PHEX: variants seen among roughly 807,000 people sequenced by gnomAD.
PHEX encodes phosphate-regulating neutral endopeptidase PHEX.
A neutral mutation model predicts 68.0 loss-of-function variants in PHEX; 16 were observed. That is an observed-to-expected ratio of 0.24 (90% CI 0.16 to 0.36). The LOEUF is 0.36. Among genes scored for constraint, PHEX ranks in the 10% least tolerant of loss-of-function variants. The pLI, the probability that PHEX is intolerant of heterozygous loss-of-function variation, is 1.00. For missense variants in PHEX, 480 were observed against 575.5 expected, an observed-to-expected ratio of 0.83 and a Z score of 1.70; for synonymous variants, 208 against 205.1, an observed-to-expected ratio of 1.01 and a Z score of -0.12.
chrX:22,101,353 T>C (rs1255583217), intron 9 of PHEX, among the ~76,000 whole-genome samples: 1 of 112,105 alleles, frequency 8.9e-6, no homozygotes, highest in Non-Finnish European at 1.9e-5. Flanking sequence ...GTGATGTTTT[T>C]TCATTGATGA....
chrX:22,045,919 C>G (rs1050068681), intron 2 of PHEX, among the ~76,000 whole-genome samples: 1 of 112,654 alleles, frequency 8.9e-6, no homozygotes, highest in Non-Finnish European at 1.9e-5. Flanking sequence ...GTAAATATAA[C>G]TTTTAAATAT....
At chrX:22,082,474 T>C (rs191613995) in intron 5 of PHEX, among the ~76,000 whole-genome samples, 201 of 112,855 alleles carry the variant, frequency 1.8e-3, no homozygotes, top group African/African-American at 6.1e-3. Flanking sequence ...GTGAGCTTTT[T>C]TTCATATGCT....
At chrX:22,184,871 C>T (rs1277268926) in intron 14 of PHEX, among the ~76,000 whole-genome samples, 1 of 112,049 alleles carries the variant, frequency 8.9e-6, no homozygotes, top group African/African-American at 3.2e-5. Flanking sequence ...CTTTTGTTTG[C>T]AAAAGCATTA....
At chrX:22,223,718 A>C (rs751075826) in intron 18 of PHEX, among the ~76,000 whole-genome samples, 22 of 112,653 alleles carry the variant, frequency 2.0e-4, no homozygotes, top group African/African-American at 7.1e-4. Context: ...TGTGGGTGAA[A>C]GAGAGAGACC....
At chrX:22,105,731 A>G (rs5951694) in intron 9 of PHEX, among the ~76,000 whole-genome samples, 18,172 of 111,417 alleles carry the variant, frequency 0.16, 2,643 homozygotes, top group African/African-American at 0.47. Flanking sequence ...AAGGATAATA[A>G]TAATAATCAC....
intron 19 of PHEX, among the ~76,000 whole-genome samples, chrX:22,226,739 A>T (rs1935520872): frequency 8.9e-6 from 1 of 111,923 alleles, no homozygotes. Context: ...TTTGTTATTA[A>T]GAATCATGTA....
chrX:22,238,048 G>A (rs188924344), intron 20 of PHEX, among the ~76,000 whole-genome samples: 4,491 of 111,990 alleles, frequency 0.04, 90 homozygotes, highest in Middle Eastern at 0.05. Flanking sequence ...AGGCCGAGGC[G>A]GGTGGATTGC....
rs1327383362 is a variant in PHEX at position 22,218,982 on chromosome X, A to G, written c.1701-54A>G. The G allele has an allele frequency of 2.5e-5, 21 of 837,189 alleles. No individual in the cohort carries two copies. The East Asian group carries it at 5.9e-4, about 24-fold the overall frequency. 69.0% of individuals were successfully genotyped at this position (837,189 alleles called of 1,213,427 possible). ...TTTCCATTGAAAAAATTAAAGGATT[A>G]TGCTCTGAGATTCATGCTTGTAATT... On this transcript the variant is annotated intron_variant, in intron 16 of 21. Coordinates refer to ENST00000379374, the MANE Select transcript of PHEX (RefSeq NM_000444.6).
intron 12 of PHEX, among the ~76,000 whole-genome samples, chrX:22,140,809 T>C (rs1387823150): frequency 8.9e-6 from 1 of 112,279 alleles, no homozygotes; most frequent in Non-Finnish European, 1.9e-5. Context: ...TAAAACACCT[T>C]TAGTGTTTCT....
intron 16 of PHEX, among the ~76,000 whole-genome samples, chrX:22,214,603 C>T (rs1935026889): frequency 1.8e-5 from 2 of 111,571 alleles, no homozygotes; most frequent in Non-Finnish European, 3.8e-5. Flanking sequence ...ATTTATCTGT[C>T]CTCCAACTCA....
chrX:22,137,394 T>C (rs1316652568), intron 12 of PHEX, among the ~76,000 whole-genome samples: 1 of 111,954 alleles, frequency 8.9e-6, no homozygotes, highest in Non-Finnish European at 1.9e-5. Flanking sequence ...GGCCTTAACC[T>C]TGGCCACAGC....
intron 8 of PHEX, among the ~76,000 whole-genome samples, chrX:22,097,549 C>T (rs1350785400): frequency 9.0e-6 from 1 of 111,468 alleles, no homozygotes; most frequent in East Asian, 2.8e-4. Context: ...AGATGTCTTC[C>T]CTTTATTTCT....
intron 6 of PHEX, among the ~76,000 whole-genome samples, chrX:22,091,761 A>G (rs1480089701): frequency 8.9e-6 from 1 of 111,951 alleles, no homozygotes; most frequent in Non-Finnish European, 1.9e-5. Flanking sequence ...GACATACCTG[A>G]GACTTGGTGA....
At chrX:22,218,477 T>A (rs149289695) in intron 16 of PHEX, among the ~76,000 whole-genome samples, 358 of 112,201 alleles carry the variant, frequency 3.2e-3, no homozygotes, top group African/African-American at 0.011. Flanking sequence ...TTCAAATCTT[T>A]GCTATTCAGT....
chrX:22,083,862 A>C (rs185871287), intron 5 of PHEX, among the ~76,000 whole-genome samples: 1 of 111,985 alleles, frequency 8.9e-6, no homozygotes, highest in East Asian at 2.8e-4. Context: ...CAGGACTTCT[A>C]GTATTGCGCT....
At chrX:22,146,593 G>A (rs1164192955) in intron 12 of PHEX, among the ~76,000 whole-genome samples, 2 of 111,450 alleles carry the variant, frequency 1.8e-5, no homozygotes, top group Non-Finnish European at 3.8e-5. Context: ...GAGGCAGGCG[G>A]ATCACTTGAG....
At chrX:22,224,952 T>TCATACAGCGCTGTATGATTTATTAA in intron 18 of PHEX, among the ~76,000 whole-genome samples, 2 of 113,898 alleles carry the variant, frequency 1.8e-5, no homozygotes, top group African/African-American at 3.2e-5. Flanking sequence ...ACATAAATTA[T>TCATACAGCGCTGTATGATTTATTAA]CATACAGCGC....
At chrX:22,225,088 G>T (rs761131934) in intron 18 of PHEX, among the ~76,000 whole-genome samples, 2 of 37,474 alleles carry the variant, frequency 5.3e-5, no homozygotes, top group Admixed American at 3.2e-4. Context: ...CTGTTTCCTC[G>T]CCTTTTCTAG....
At chrX:22,107,923 T>C (rs967726688) in intron 9 of PHEX, among the ~76,000 whole-genome samples, 2 of 112,169 alleles carry the variant, frequency 1.8e-5, no homozygotes, top group Non-Finnish European at 3.8e-5. Flanking sequence ...CCTTATGTAC[T>C]GACAGTGTGT....
Sources: gnomAD v4.1 joint callset for allele counts (sites outside exome capture counted in the v4.1 genomes callset) on GRCh38, gnomAD v4.1.1 for gene constraint, MANE v1.5 for transcripts, NCBI Gene and HGNC (gene_info 2026-07-23, HGNC 2026-07-21) for gene names.